CADPS: variants seen among roughly 807,000 people sequenced by gnomAD.
The protein encoded by CADPS is calcium dependent secretion activator.
Under a neutral mutation model 167.3 loss-of-function variants are expected in CADPS, and 57 were observed. The ratio of observed to expected loss-of-function variants is 0.34; its 90% CI spans 0.28 to 0.42. The LOEUF is 0.42. Among genes scored for constraint, CADPS ranks in the 20% least tolerant of loss-of-function variants. The pLI, the probability that CADPS is intolerant of heterozygous loss-of-function variation, is 1.00. For synonymous variants in CADPS, 676 were observed against 635.3 expected (o/e 1.06, Z -0.96); for missense variants, 1,414 against 1,738.1 (o/e 0.81, Z 3.32).
intron 1 of CADPS, among the ~76,000 whole-genome samples, chr3:62,842,189 C>T (rs546824424): frequency 1.3e-5 from 2 of 152,164 alleles, no homozygotes; most frequent in Non-Finnish European, 2.9e-5. Context: ...AGAACTCTAA[C>T]AACAGTTACC....
chr3:62,447,326 A>G (rs1301679235), intron 26 of CADPS, among the ~76,000 whole-genome samples: 1 of 152,220 alleles, frequency 6.6e-6, no homozygotes, highest in Admixed American at 6.5e-5. Flanking sequence ...CGAGAGGGCA[A>G]TGCATTCTAT....
intron 1 of CADPS, among the ~76,000 whole-genome samples, chr3:62,871,167 A>C (rs2082566489): frequency 6.6e-6 from 1 of 152,296 alleles, no homozygotes; most frequent in African/African-American, 2.4e-5. Context: ...TCTCAGTAAA[A>C]GTGAAACCAA....
At chr3:62,731,636 A>G (rs1407552425) in intron 3 of CADPS, among the ~76,000 whole-genome samples, 1 of 151,940 alleles carries the variant, frequency 6.6e-6, no homozygotes, top group Non-Finnish European at 1.5e-5. Context: ...CCAACTGGCA[A>G]TAATTTTACA....
intron 3 of CADPS, among the ~76,000 whole-genome samples, chr3:62,721,074 C>T (rs1175766633): frequency 2.0e-5 from 3 of 147,434 alleles, no homozygotes; most frequent in African/African-American, 7.6e-5. Context: ...ACCTTGGCCT[C>T]CCAAAGTGCT....
rs777645997 is a variant in CADPS, at chr3:62,399,411, C to T, written c.4057G>A (p.Asp1353Asn). The change falls in exon 30 of 30, where the codon GAT (aspartate) becomes AAT (asparagine). Residue 1353 changes from aspartate to asparagine, a missense_variant. Physicochemically the swap from Asp to Asn is conservative, Grantham distance 23. Coordinates refer to ENST00000383710, the MANE Select transcript of CADPS (RefSeq NM_003716.4). This position sits in a 1 kb window ranked among gnomAD's most constrained non-coding sequence, Gnocchi z 5.6. ...KDSDEEDEED[D>N] Reference sequence around the variant, plus strand: ...AGACTCTAGGACCAAATGGTCTAATCGTCTTCTTCGTCTTCCTCATCGCTG... The same window carrying T: ...AGACTCTAGGACCAAATGGTCTAATTGTCTTCTTCGTCTTCCTCATCGCTG... The T allele has an allele frequency of 5.6e-6, 9 of 1,614,052 alleles. No homozygotes were observed. Among genetic ancestry groups the T allele is most frequent in the Non-Finnish European group, 5.9e-6 (7 of 1,179,922 alleles).
chr3:62,605,247 A>AAAC (rs1553982039), intron 6 of CADPS, among the ~76,000 whole-genome samples: 799 of 3,442 alleles, frequency 0.23, 6 homozygotes, highest in African/African-American at 0.3. Context: ...ATGAGGGGAA[A>AAAC]AACAAAAAAA....
intron 17 of CADPS, among the ~76,000 whole-genome samples, chr3:62,506,535 T>C (rs1045518674): frequency 3.9e-5 from 6 of 152,256 alleles, no homozygotes; most frequent in Non-Finnish European, 2.9e-5. Flanking sequence ...TCAGGCTTTG[T>C]TCCTCGGGCT....
intron 17 of CADPS, among the ~76,000 whole-genome samples, chr3:62,508,922 T>G (rs62243493): frequency 0.012 from 1,753 of 152,190 alleles, 12 homozygotes; most frequent in Non-Finnish European, 0.02. Flanking sequence ...CTCTTTGTCC[T>G]CCCCACTTAT....
intron 22 of CADPS, among the ~76,000 whole-genome samples, chr3:62,479,579 G>A (rs2061718289): frequency 6.6e-6 from 1 of 152,258 alleles, no homozygotes; most frequent in Non-Finnish European, 1.5e-5. Context: ...CGGGGAGGGG[G>A]CACACGCCCA....
At chr3:62,519,770 C>T (rs923395471) in intron 13 of CADPS, among the ~76,000 whole-genome samples, 1 of 151,800 alleles carries the variant, frequency 6.6e-6, no homozygotes, top group African/African-American at 2.4e-5. Context: ...TGGGTGCAAG[C>T]TACCATGCTT....
At chr3:62,689,867 GA>G (rs933018180) in intron 3 of CADPS, among the ~76,000 whole-genome samples, 4 of 151,984 alleles carry the variant, frequency 2.6e-5, no homozygotes, top group South Asian at 2.1e-4. Context: ...AATGAGAGAT[GA>G]GGGGGGGCGG....
At chr3:62,467,398 AAAATT>A (rs1457283428) in intron 24 of CADPS, 1 of 653,758 alleles carries the variant, frequency 1.5e-6, no homozygotes, top group African/African-American at 2.0e-5. Context: ...TGAGAAAATA[AAAATT>A]AAATAAAATA....
intron 28 of CADPS, among the ~76,000 whole-genome samples, chr3:62,434,685 A>G (rs2054627845): frequency 6.6e-6 from 1 of 152,206 alleles, no homozygotes; most frequent in South Asian, 2.1e-4. Flanking sequence ...CAAAAGTACA[A>G]TGACGTGGCA....
intron 6 of CADPS, among the ~76,000 whole-genome samples, chr3:62,643,104 GGA>G (rs1371959465): frequency 5.3e-5 from 8 of 152,090 alleles, no homozygotes. Context: ...AAAGGATATA[GGA>G]GAGTCTACAT....
intron 1 of CADPS, among the ~76,000 whole-genome samples, chr3:62,855,774 TAA>T (rs1269394992): frequency 6.6e-6 from 1 of 152,138 alleles, no homozygotes; most frequent in African/African-American, 2.4e-5. Flanking sequence ...ATATCCTCCT[TAA>T]CACACAGCAT....
At chr3:62,533,718 C>T (rs762915344) in intron 12 of CADPS, among the ~76,000 whole-genome samples, 5 of 152,118 alleles carry the variant, frequency 3.3e-5, no homozygotes, top group Non-Finnish European at 5.9e-5. Flanking sequence ...GCCAGGACTT[C>T]ATAAATCCTT....
At chr3:62,837,848 A>G (rs556739371) in intron 1 of CADPS, among the ~76,000 whole-genome samples, 3 of 152,202 alleles carry the variant, frequency 2.0e-5, no homozygotes, top group South Asian at 2.1e-4. Flanking sequence ...AATTGTAACT[A>G]TAAGACATAA....
At chr3:62,558,699 G>A (rs189271183) in intron 9 of CADPS, among the ~76,000 whole-genome samples, 57 of 152,268 alleles carry the variant, frequency 3.7e-4, no homozygotes, top group African/African-American at 1.3e-3. Context: ...GAGAGATGAA[G>A]GGTGTCCGCA....
At chr3:62,578,213 G>A (rs833651) in intron 8 of CADPS, among the ~76,000 whole-genome samples, 135,693 of 147,762 alleles carry the variant, frequency 0.92, 62,476 homozygotes, top group East Asian at 0.99. Context: ...TTACAAAAAA[G>A]GCTGGAGGGG....
Sources: allele counts gnomAD v4.1 joint callset (sites outside exome capture counted in the v4.1 genomes callset), GRCh38; gene constraint gnomAD v4.1.1; non-coding constraint Gnocchi (gnomAD v3.1); transcripts MANE v1.5; gene names NCBI Gene and HGNC (gene_info 2026-07-23, HGNC 2026-07-21).